Variants in NRXN3 observed in about 807,000 individuals in gnomAD.
NRXN3 encodes neurexin 3, also known as neurexin III.
Under a neutral mutation model 137.6 loss-of-function variants are expected in NRXN3, and 32 were observed. The observed-to-expected ratio is 0.23, with a 90% confidence interval of 0.18 to 0.31. The LOEUF is 0.31. Among genes scored for constraint, NRXN3 ranks in the 10% least tolerant of loss-of-function variants. The pLI is 1.00. For synonymous variants in NRXN3, 798 were observed against 784.5 expected, an observed-to-expected ratio of 1.02 and a Z score of -0.29; for missense variants, 1,574 against 2,062.5, an observed-to-expected ratio of 0.76 and a Z score of 4.59.
At chr14:79,819,273 G>A (rs571292934) in intron 20 of NRXN3, among the ~76,000 whole-genome samples, 4 of 152,190 alleles carry the variant, frequency 2.6e-5, no homozygotes, top group South Asian at 4.1e-4. Flanking sequence ...CATGAAAGTT[G>A]ATTTCCAAAA....
At chr14:78,536,418 C>A (rs1055160432) in intron 4 of NRXN3, among the ~76,000 whole-genome samples, 2 of 152,240 alleles carry the variant, frequency 1.3e-5, no homozygotes, top group East Asian at 1.9e-4. Context: ...TGAGGAAACC[C>A]AAACTAAGGC....
intron 16 of NRXN3, among the ~76,000 whole-genome samples, chr14:79,539,297 G>C (rs112268386): frequency 6.6e-5 from 10 of 152,104 alleles, no homozygotes; most frequent in African/African-American, 2.4e-4. Context: ...GCCTCCCAAA[G>C]TGCTGGGACT....
intron 20 of NRXN3, among the ~76,000 whole-genome samples, chr14:79,826,688 T>C (rs2099303251): frequency 6.6e-6 from 1 of 152,200 alleles, no homozygotes; most frequent in Non-Finnish European, 1.5e-5. Flanking sequence ...AGCGTCTGCA[T>C]AATGGGCTTT....
chr14:79,459,960 A>G (rs1191011574), intron 15 of NRXN3, among the ~76,000 whole-genome samples: 1 of 152,094 alleles, frequency 6.6e-6, no homozygotes, highest in African/African-American at 2.4e-5. Flanking sequence ...CCTTAGCGGA[A>G]GTATCCTGAA....
At chr14:79,435,375 A>G (rs1458428321) in intron 15 of NRXN3, among the ~76,000 whole-genome samples, 3 of 151,606 alleles carry the variant, frequency 2.0e-5, no homozygotes, top group Admixed American at 6.6e-5. Flanking sequence ...ACTGCCAGAG[A>G]TTGCTAAATA....
In NRXN3 at chr14:78,816,899, C is replaced by T. The variant is rs144203260; in HGVS notation, c.2275+6555C>T. On this transcript the variant is annotated intron_variant, in intron 10 of 20. Transcript: ENST00000335750. ...ATATTTATTTCCCATAGATCTTTTC[C>T]TCCCATCCTTTAACATCTTCAAATA... 3.3e-5 allele frequency among the ~76,000 whole-genome samples: 5 copies of T among 152,272 alleles called. No homozygotes were observed. In the East Asian group the frequency reaches 5.8e-4, roughly 18 times the overall value.
intron 4 of NRXN3, among the ~76,000 whole-genome samples, chr14:78,493,680 G>C (rs1178791260): frequency 2.6e-5 from 4 of 152,052 alleles, no homozygotes; most frequent in African/African-American, 9.7e-5. Context: ...TCATATAGGG[G>C]ATACTAGCTT....
In NRXN3 at chr14:78,831,539, A is replaced by AC. The variant is rs1173408043; in HGVS notation, c.2275+21195_2275+21196insC. On this transcript the variant is annotated intron_variant, in intron 10 of 20. Transcript: ENST00000335750. ...GACAGAGGGAGACTCCATGTCAAAA[A>AC]AAAAAAAAAAAAAAAAAAAAAACAA... Among the ~76,000 whole-genome samples, 1,355 of 148,660 alleles carry AC rather than the reference A, an allele frequency of 9.1e-3. 26 individuals are homozygous for AC. Among genetic ancestry groups the AC allele is most frequent in the African/African-American group, 0.032 (1,283 of 40,672 alleles).
chr14:79,736,559 C>T (rs1327723660), intron 19 of NRXN3, among the ~76,000 whole-genome samples: 1 of 150,066 alleles, frequency 6.7e-6, no homozygotes, highest in African/African-American at 2.5e-5. Context: ...TCAGATCCAA[C>T]ACCAGGTCGT....
At chr14:79,146,622 G>C (rs868212282) in intron 15 of NRXN3, among the ~76,000 whole-genome samples, 26 of 152,114 alleles carry the variant, frequency 1.7e-4, no homozygotes, top group South Asian at 6.2e-4. Context: ...CTGGAGAAAA[G>C]AGCGTGCATC....
At chr14:78,754,244 G>A (rs551324512) in intron 8 of NRXN3, among the ~76,000 whole-genome samples, 1 of 152,164 alleles carries the variant, frequency 6.6e-6, no homozygotes, top group Admixed American at 6.5e-5. Flanking sequence ...AGCTGACTCA[G>A]CCTAATGGTC....
chr14:78,327,984 A>C (rs1413265313), intron 4 of NRXN3, among the ~76,000 whole-genome samples: 1 of 152,136 alleles, frequency 6.6e-6, no homozygotes, highest in Non-Finnish European at 1.5e-5. Context: ...CAAAATGGCT[A>C]GTGCTTTTCC....
At chr14:79,233,769 A>T (rs1269145699) in intron 15 of NRXN3, among the ~76,000 whole-genome samples, 1 of 151,950 alleles carries the variant, frequency 6.6e-6, no homozygotes, top group African/African-American at 2.4e-5. Flanking sequence ...ATTCTAGAGA[A>T]AGGTCCCATG....
chr14:78,574,837 A>C (rs904055502), intron 4 of NRXN3, among the ~76,000 whole-genome samples: 1 of 152,184 alleles, frequency 6.6e-6, no homozygotes, highest in Non-Finnish European at 1.5e-5. Flanking sequence ...ATTAAGCATA[A>C]AATAATGGCA....
At chr14:79,441,940 A>G (rs1456752062) in intron 15 of NRXN3, among the ~76,000 whole-genome samples, 1 of 151,058 alleles carries the variant, frequency 6.6e-6, no homozygotes, top group Non-Finnish European at 1.5e-5. Flanking sequence ...CTATTAATCT[A>G]TTTGTGATTA....
chr14:79,576,182 G>T (rs1240644086), intron 16 of NRXN3, among the ~76,000 whole-genome samples: 1 of 152,134 alleles, frequency 6.6e-6, no homozygotes, highest in Non-Finnish European at 1.5e-5. Context: ...CTTTTTCCCA[G>T]AAGCCCCAAG....
intron 15 of NRXN3, among the ~76,000 whole-genome samples, chr14:79,180,694 G>T (rs1433936700): frequency 6.6e-6 from 1 of 151,940 alleles, no homozygotes; most frequent in Non-Finnish European, 1.5e-5. Flanking sequence ...GATATCATAA[G>T]GTACTTGAAA....
chr14:78,296,798 A>G (rs1472163690), intron 3 of NRXN3, among the ~76,000 whole-genome samples: 1 of 152,130 alleles, frequency 6.6e-6, no homozygotes, highest in African/African-American at 2.4e-5. Flanking sequence ...TAATCTCTAA[A>G]AACATTTAGA....
chr14:79,195,619 A>G (rs2065030082), intron 15 of NRXN3, among the ~76,000 whole-genome samples: 1 of 152,166 alleles, frequency 6.6e-6, no homozygotes, highest in Non-Finnish European at 1.5e-5. Flanking sequence ...TTAACTGAAG[A>G]GATTAGGGGA....
Sources: gnomAD v4.1 joint callset for allele counts (sites outside exome capture counted in the v4.1 genomes callset) on GRCh38, gnomAD v4.1.1 for gene constraint, MANE v1.5 for transcripts, NCBI Gene and HGNC (gene_info 2026-07-23, HGNC 2026-07-21) for gene names.